NTM: variants seen among roughly 807,000 people sequenced by gnomAD.
The protein encoded by NTM is IgLON family member 2.
In NTM, 13 loss-of-function variants were observed where a neutral mutation model predicts 42.1. The observed-to-expected ratio is 0.31, with a 90% CI of 0.20 to 0.49. The LOEUF is 0.49. Ranked by LOEUF, NTM falls within the 20% of genes least tolerant of loss-of-function variation. NTM has a pLI of 0.99. For missense variants in NTM, 373 were observed against 452.8 expected, an observed-to-expected ratio of 0.82 and a Z score of 1.60; for synonymous variants, 187 against 179.2, an observed-to-expected ratio of 1.04 and a Z score of -0.35.
chr11:131,668,186 T>C (rs1321559804), intron 1 of NTM, among the ~76,000 whole-genome samples: 1 of 152,116 alleles, frequency 6.6e-6, no homozygotes, highest in East Asian at 1.9e-4. Context: ...TCACCTTACG[T>C]TCTTGTGGCA....
At chr11:131,711,191 G>A (rs1363550830) in intron 1 of NTM, among the ~76,000 whole-genome samples, 6 of 152,098 alleles carry the variant, frequency 3.9e-5, no homozygotes, top group Non-Finnish European at 8.8e-5. Context: ...GAGTGAACAG[G>A]CAACCTACAA....
At chr11:131,628,040 A>T (rs1431437235) in intron 1 of NTM, among the ~76,000 whole-genome samples, 1 of 152,190 alleles carries the variant, frequency 6.6e-6, no homozygotes, top group Non-Finnish European at 1.5e-5. Context: ...TGTCTATGGT[A>T]ATTGTCATGT....
intron 1 of NTM, among the ~76,000 whole-genome samples, chr11:131,384,037 C>T (rs538995336): frequency 6.6e-6 from 1 of 152,130 alleles, no homozygotes; most frequent in African/African-American, 2.4e-5. Context: ...AGAGGACTTC[C>T]GTTTTCTAAG....
intron 1 of NTM, among the ~76,000 whole-genome samples, chr11:131,542,205 G>A (rs542670644): frequency 8.9e-4 from 136 of 152,280 alleles, no homozygotes; most frequent in African/African-American, 3.0e-3. Context: ...GGAGAGACCC[G>A]GCACAGCTCG....
chr11:132,294,380 A>T (rs920565318), intron 4 of NTM, among the ~76,000 whole-genome samples: 8 of 151,996 alleles, frequency 5.3e-5, no homozygotes, highest in Admixed American at 3.3e-4. Context: ...CTTGTACTGT[A>T]CCATGGAAGG....
In NTM at chr11:131,902,291, C is replaced by G. The variant is rs191393298; in HGVS notation, c.83-9273C>G. Among the ~76,000 whole-genome samples the G allele has an allele frequency of 2.0e-5, 3 of 152,256 alleles. No homozygotes were observed. In the South Asian group the frequency reaches 6.2e-4, roughly 32 times the overall value. On this transcript the variant is annotated intron_variant, in intron 1 of 8. Coordinates refer to ENST00000683400, the MANE Select transcript of NTM (RefSeq NM_001352005.2). Reference sequence around the variant, plus strand: ...ACTTCTAGGGCAGTACAAATTCAAGCCTTCCACAAACAAACAGTTGAGAGT... The same window carrying G: ...ACTTCTAGGGCAGTACAAATTCAAGGCTTCCACAAACAAACAGTTGAGAGT...
At chr11:132,152,887 CT>C (rs1200856697) in intron 3 of NTM, among the ~76,000 whole-genome samples, 1 of 152,170 alleles carries the variant, frequency 6.6e-6, no homozygotes, top group African/African-American at 2.4e-5. Flanking sequence ...TTTGGTATGG[CT>C]GGGAAGGGGT....
chr11:131,792,924 T>C (rs2091129524), intron 1 of NTM, among the ~76,000 whole-genome samples: 1 of 152,252 alleles, frequency 6.6e-6, no homozygotes, highest in South Asian at 2.1e-4. Flanking sequence ...TAATTTCTCT[T>C]ACTAACCGGT....
Position 131,408,575 on chromosome 11 carries a change from G to A in NTM, c.82+37687G>A, listed in dbSNP as rs1332370112. ...TGCCACTTTTGAGTATTTACTTTGAGGCTGGTGTGAGTTCATTGCAGAACC... is the reference window on the plus strand; with the variant it reads ...TGCCACTTTTGAGTATTTACTTTGAAGCTGGTGTGAGTTCATTGCAGAACC... On this transcript the variant is annotated intron_variant, in intron 1 of 8. Transcript: ENST00000683400. Among the ~76,000 whole-genome samples, 3 of 152,150 alleles carry A rather than the reference G, an allele frequency of 2.0e-5. No homozygotes were observed. The East Asian group carries it at 5.8e-4, about 29-fold the overall frequency.
chr11:131,854,032 A>T (rs12269835), intron 1 of NTM, among the ~76,000 whole-genome samples: 1 of 152,258 alleles, frequency 6.6e-6, no homozygotes. Flanking sequence ...TGCATGGTTC[A>T]TCTGTAGTAG....
At chr11:131,655,509 G>A (rs1404482457) in intron 1 of NTM, among the ~76,000 whole-genome samples, 1 of 152,232 alleles carries the variant, frequency 6.6e-6, no homozygotes, top group Admixed American at 6.5e-5. Flanking sequence ...ACACAGAGAA[G>A]TCTCTGGCTC....
At chr11:131,977,126 A>AC (rs1306184747) in intron 2 of NTM, among the ~76,000 whole-genome samples, 10 of 152,318 alleles carry the variant, frequency 6.6e-5, no homozygotes, top group African/African-American at 2.4e-4. Context: ...ACACTGAGGA[A>AC]CCCATCCCTT....
intron 4 of NTM, among the ~76,000 whole-genome samples, chr11:132,243,269 T>C (rs1329215954): frequency 6.6e-6 from 1 of 152,198 alleles, no homozygotes; most frequent in Non-Finnish European, 1.5e-5. Flanking sequence ...TCAGTAAACT[T>C]TGATTTGTCT....
chr11:132,311,912 A>C (rs1366425832), intron 6 of NTM, among the ~76,000 whole-genome samples: 1 of 152,148 alleles, frequency 6.6e-6, no homozygotes, highest in African/African-American at 2.4e-5. Context: ...CCAGGAGGAG[A>C]GAGCAGGCTG....
chr11:131,968,933 A>C (rs543289757), intron 2 of NTM, among the ~76,000 whole-genome samples: 1 of 152,162 alleles, frequency 6.6e-6, no homozygotes, highest in Non-Finnish European at 1.5e-5. Flanking sequence ...TCCCTTATGG[A>C]TTATTTGTCA....
At chr11:132,020,040 T>C (rs1053930421) in intron 2 of NTM, among the ~76,000 whole-genome samples, 2 of 152,128 alleles carry the variant, frequency 1.3e-5, no homozygotes, top group African/African-American at 4.8e-5. Context: ...TTTATGTCCA[T>C]ATTTACCCAG....
chr11:131,578,054 C>T (rs924419957), intron 1 of NTM, among the ~76,000 whole-genome samples: 3 of 152,158 alleles, frequency 2.0e-5, no homozygotes, highest in African/African-American at 7.2e-5. Context: ...TGCTAGGACA[C>T]CTAGGACACT....
intron 1 of NTM, among the ~76,000 whole-genome samples, chr11:131,891,460 A>C (rs1337305092): frequency 1.3e-5 from 2 of 152,154 alleles, no homozygotes; most frequent in Admixed American, 1.3e-4. Context: ...TGGTGACTTG[A>C]CTTCCAAAAA....
At chr11:132,041,364 G>A (rs921969476) in intron 2 of NTM, among the ~76,000 whole-genome samples, 6 of 152,178 alleles carry the variant, frequency 3.9e-5, no homozygotes, top group African/African-American at 1.4e-4. Context: ...GAAGCCAAGT[G>A]TATCTGAAGA....
Sources: gnomAD v4.1 joint callset for allele counts (sites outside exome capture counted in the v4.1 genomes callset) on GRCh38, gnomAD v4.1.1 for gene constraint, MANE v1.5 for transcripts, NCBI Gene and HGNC (gene_info 2026-07-23, HGNC 2026-07-21) for gene names.